The following HPCAL1 variants were observed in gnomAD, a reference collection of about 807,000 sequenced individuals.
The protein encoded by HPCAL1 is hippocalcin-like protein 1.
A neutral mutation model predicts 17.1 loss-of-function variants in HPCAL1; 8 were observed. That is an observed-to-expected ratio of 0.47 (90% CI 0.27 to 0.84). The LOEUF (loss-of-function observed/expected upper bound fraction) is 0.84. HPCAL1 is among the 40% of genes least tolerant of loss of function. HPCAL1 has a pLI of 0.13. For synonymous variants in HPCAL1, 112 were observed against 111.4 expected (o/e 1.01, Z -0.03); for missense variants, 165 against 271.1 (o/e 0.61, Z 2.75).
intron 1 of HPCAL1, among the ~76,000 whole-genome samples, chr2:10,329,969 A>G (rs1664255924): frequency 6.6e-6 from 1 of 152,204 alleles, no homozygotes; most frequent in Admixed American, 6.5e-5. Flanking sequence ...GTTTCCAAGA[A>G]TCTGGCTTTA....
At chr2:10,357,900 A>C (rs1387807603) in intron 1 of HPCAL1, among the ~76,000 whole-genome samples, 1 of 151,310 alleles carries the variant, frequency 6.6e-6, no homozygotes, top group Non-Finnish European at 1.5e-5. Flanking sequence ...GGAGGGGGCC[A>C]CACCTGGCCT....
chr2:10,326,034 C>T (rs1352849020), intron 1 of HPCAL1, among the ~76,000 whole-genome samples: 1 of 152,162 alleles, frequency 6.6e-6, no homozygotes, highest in Non-Finnish European at 1.5e-5. Context: ...GTGAGGCCCA[C>T]GAGGCTGCAG....
At chr2:10,353,795 T>C (rs1303485392) in intron 1 of HPCAL1, among the ~76,000 whole-genome samples, 2 of 152,166 alleles carry the variant, frequency 1.3e-5, no homozygotes, top group Non-Finnish European at 2.9e-5. Flanking sequence ...CTTGAACTCT[T>C]GGACAATCTT....
chr2:10,334,555 G>GTATA (rs60595562), intron 1 of HPCAL1, among the ~76,000 whole-genome samples: 35 of 151,338 alleles, frequency 2.3e-4, no homozygotes, highest in African/African-American at 3.6e-4. Context: ...CTCATAAATG[G>GTATA]TATATATATA....
At chr2:10,332,669 C>G (rs140777012) in intron 1 of HPCAL1, among the ~76,000 whole-genome samples, 49 of 152,264 alleles carry the variant, frequency 3.2e-4, no homozygotes, top group African/African-American at 9.2e-4. Context: ...GAGATCAGCC[C>G]AACTCCTAAT....
At chr2:10,405,595 T>C (rs908133432) in intron 2 of HPCAL1, among the ~76,000 whole-genome samples, 3 of 152,244 alleles carry the variant, frequency 2.0e-5, no homozygotes, top group African/African-American at 7.2e-5. Context: ...AATTCTGCCA[T>C]CTGACGCGTA....
chr2:10,360,021 G>C (rs1306858389), intron 1 of HPCAL1, among the ~76,000 whole-genome samples: 2 of 152,164 alleles, frequency 1.3e-5, no homozygotes, highest in Non-Finnish European at 2.9e-5. Flanking sequence ...TCACTGTGTG[G>C]GGTGTCGGGA....
intron 1 of HPCAL1, among the ~76,000 whole-genome samples, chr2:10,380,673 G>A (rs1459738349): frequency 6.6e-6 from 1 of 151,804 alleles, no homozygotes; most frequent in Non-Finnish European, 1.5e-5. Flanking sequence ...CTCTCTGCAT[G>A]ACTATTATTC....
At chr2:10,353,397 T>C (rs1310278292) in intron 1 of HPCAL1, among the ~76,000 whole-genome samples, 1 of 152,148 alleles carries the variant, frequency 6.6e-6, no homozygotes, top group Non-Finnish European at 1.5e-5. Flanking sequence ...GCCATCCTTC[T>C]CTTTCTGCCA....
intron 3 of HPCAL1, 74 bp downstream of exon 3, chr2:10,420,209 C>CTCTT: frequency 3.5e-6 from 2 of 571,276 alleles, no homozygotes; most frequent in Non-Finnish European, 2.6e-6. Context: ...CAGCCCAGGG[C>CTCTT]TTTTTTTTTT....
intron 2 of HPCAL1, among the ~76,000 whole-genome samples, chr2:10,401,556 C>T (rs936524575): frequency 5.9e-5 from 9 of 151,994 alleles, no homozygotes; most frequent in East Asian, 3.9e-4. Context: ...ATTCCAAGGC[C>T]GGATCTGCAG....
chr2:10,321,033 TC>T (rs2125402457), intron 1 of HPCAL1, among the ~76,000 whole-genome samples: 1 of 151,940 alleles, frequency 6.6e-6, no homozygotes, highest in East Asian at 1.9e-4. Context: ...TGAGACACGG[TC>T]ATTAATAAAG....
rs1219455921 is a variant in HPCAL1 at position 10,322,926 on chromosome 2, GTCCCCAAGTCCCCCAGATAGA to G, written c.-111+19754_-111+19774del. 4.6e-5 allele frequency among the ~76,000 whole-genome samples: 7 copies of G among 152,272 alleles called. No individual in the cohort carries two copies. The East Asian group carries it at 1.4e-3, about 29-fold the overall frequency. On this transcript the variant is annotated intron_variant, in intron 1 of 4. Transcript: ENST00000307845. The stretch of plus-strand genomic sequence containing the variant: ...CCTCATTGATGGAATGTCCAACATT[GTCCCCAAGTCCCCCAGATAGA>G]TCCCTGGGGGCTCTTGACAGACAGA...
intron 1 of HPCAL1, among the ~76,000 whole-genome samples, chr2:10,325,051 T>C (rs971561397): frequency 1.3e-5 from 2 of 151,622 alleles, no homozygotes; most frequent in Non-Finnish European, 2.9e-5. Context: ...CAGGCTGGTG[T>C]TGAACTCCTG....
chr2:10,378,001 G>A (rs951446264), intron 1 of HPCAL1, among the ~76,000 whole-genome samples: 4 of 152,112 alleles, frequency 2.6e-5, no homozygotes, highest in African/African-American at 9.7e-5. Context: ...AATTGACCAA[G>A]GCGGTAATTT....
chr2:10,382,453 TG>T (rs1341225338), intron 1 of HPCAL1, among the ~76,000 whole-genome samples: 3 of 151,906 alleles, frequency 2.0e-5, no homozygotes, highest in Non-Finnish European at 4.4e-5. Context: ...TAATGACGTG[TG>T]AAGAGACAAG....
chr2:10,337,793 TC>T (rs1265456872), intron 1 of HPCAL1, among the ~76,000 whole-genome samples: 1 of 152,192 alleles, frequency 6.6e-6, no homozygotes, highest in East Asian at 1.9e-4. Context: ...TTTTTCACAG[TC>T]CTCAGTGGCT....
chr2:10,393,361 C>T (rs545686340), intron 1 of HPCAL1, among the ~76,000 whole-genome samples: 13 of 152,314 alleles, frequency 8.5e-5, no homozygotes, highest in African/African-American at 2.2e-4. Flanking sequence ...TCAAGGTCTC[C>T]GGAACAGCAG....
intron 1 of HPCAL1, among the ~76,000 whole-genome samples, chr2:10,381,351 G>A (rs1289702090): frequency 3.3e-5 from 5 of 152,220 alleles, no homozygotes; most frequent in South Asian, 2.1e-4. Context: ...CTCCCTTCCC[G>A]CTGTGTGGCT....
Sources: allele counts gnomAD v4.1 joint callset (sites outside exome capture counted in the v4.1 genomes callset), GRCh38; gene constraint gnomAD v4.1.1; transcripts MANE v1.5; gene names NCBI Gene and HGNC (gene_info 2026-07-23, HGNC 2026-07-21).